The following GYS1 variants were observed in gnomAD, a reference collection of about 807,000 sequenced individuals.
GYS1 encodes the protein glycogen synthase 1, also known as glycogen [starch] synthase, muscle.
In GYS1, 60 loss-of-function variants were observed where a neutral mutation model predicts 89.1. The observed-to-expected ratio is 0.67, with a 90% CI of 0.55 to 0.84. GYS1 has a LOEUF of 0.84. Among genes scored for constraint, GYS1 ranks in the 40% least tolerant of loss-of-function variants. GYS1 has a pLI of 0.00. For missense variants in GYS1, 888 were observed against 1,003.1 expected, an observed-to-expected ratio of 0.89 and a Z score of 1.55; for synonymous variants, 366 against 401.7, an observed-to-expected ratio of 0.91 and a Z score of 1.06.
Position 48,974,774 on chromosome 19 carries a change from C to T in GYS1, c.1309-41G>A, listed in dbSNP as rs1279605985. ...GAAGGGTAAGGGGTCATGGAAGGGA[C>T]AGAGAACTCCCTACTTCCTCATGAG... On this transcript the variant is annotated intron_variant, in intron 10 of 15. Coordinates refer to ENST00000323798, the MANE Select transcript of GYS1 (RefSeq NM_002103.5). 6 of 1,353,030 alleles carry T rather than the reference C, an allele frequency of 4.4e-6. 1 individual carries two copies. The highest frequency in any genetic ancestry group is 1.7e-5 in the Admixed American group (1 of 59,620). 83.8% of individuals were successfully genotyped at this position (1,353,030 alleles called of 1,614,324 possible). A position where few individuals can be genotyped will look rare whatever the true frequency, so the allele number is the denominator to read the frequency against.
chr19:48,977,025 G>C (rs757451663), intron 10 of GYS1, among the ~76,000 whole-genome samples: 2 of 152,066 alleles, frequency 1.3e-5, no homozygotes, highest in African/African-American at 4.8e-5. Flanking sequence ...CTGGGCTCAA[G>C]CGATCCTCCC....
rs769000809 is a variant in GYS1 at position 48,982,333 on chromosome 19, G to A, written c.984C>T (p.Ile328=). Residue 328 remains isoleucine (I), a synonymous_variant, in exon 7 of 16, where the codon ATC becomes ATT. Transcript: ENST00000323798. ...TGTTGGAGAACTCATAGCGGCCGGC[G>A]ATAAAGAAGTATAAGGTCTTGTCCA... The part of the protein sequence containing the change: ...FNLDKTLYFF[I]AGRYEFSNKG... 36 of 1,613,784 alleles carry A rather than the reference G, an allele frequency of 2.2e-5. No individual in the cohort carries two copies. The highest frequency in any genetic ancestry group is 8.9e-5 in the East Asian group (4 of 44,864).
At position 48,970,951 on chromosome 19, in the gene GYS1, T is replaced by G; in HGVS notation, c.1622A>C (p.His541Pro). 1 of 1,613,768 alleles carries G rather than the reference T, an allele frequency of 6.2e-7. No homozygotes were observed. Among genetic ancestry groups the G allele is most frequent in the Non-Finnish European group, 8.5e-7 (1 of 1,179,670 alleles). The change falls in exon 13 of 16, where the codon CAC (histidine) becomes CCC (proline). Residue 541 changes from histidine (H) to proline (P), a missense_variant. His to Pro is a moderately conservative substitution (Grantham distance 77, BLOSUM62 -2). Coordinates refer to ENST00000323798, the MANE Select transcript of GYS1 (RefSeq NM_002103.5). ...LSGFGCFMEE[H>P]IADPSAYGIY... ...ACCGTAAGCTGAGGGGTCTGCGATG[T>G]GTTCCTCCATGAAGCAGCCGAAGCC...
At chr19:48,990,359 C>A (rs2038908017) in intron 2 of GYS1, among the ~76,000 whole-genome samples, 1 of 152,180 alleles carries the variant, frequency 6.6e-6, no homozygotes, top group African/African-American at 2.4e-5. Context: ...TCCTGTGGGT[C>A]TGTCCACTGA....
intron 8 of GYS1, among the ~76,000 whole-genome samples, chr19:48,979,998 G>A (rs139328105): frequency 2.0e-5 from 3 of 152,206 alleles, no homozygotes; most frequent in African/African-American, 4.8e-5. Context: ...AGGCTGGAGT[G>A]CAGTGGCGCA....
intron 5 of GYS1, among the ~76,000 whole-genome samples, chr19:48,983,078 C>T (rs2038791889): frequency 6.6e-6 from 1 of 152,160 alleles, no homozygotes; most frequent in African/African-American, 2.4e-5. Flanking sequence ...CCCTGACCTC[C>T]TGGGCTCAAG....
At chr19:48,969,950 G>A in intron 14 of GYS1, 95 bp from the exon 15 acceptor site, 6 of 789,542 alleles carry the variant, frequency 7.6e-6, no homozygotes, top group Middle Eastern at 4.5e-4. Context: ...TTATGCAGAT[G>A]AGCACACTGC....
Position 48,968,811 on chromosome 19 carries a change from C to T in GYS1, c.*477G>A. 2.2e-6 allele frequency: 1 copy of T among 456,134 alleles called. No homozygotes were observed. The highest frequency in any genetic ancestry group is 1.6e-5 in the South Asian group (1 of 64,498). 28.3% of individuals were successfully genotyped at this position (456,134 alleles called of 1,614,324 possible). The stretch of plus-strand genomic sequence containing the variant: ...AGTTACCTTCAAACTCTGAAAGTGC[C>T]CCGGCTCTGGACTTGATCGCCCCAT... On this transcript the variant is annotated 3_prime_UTR_variant, in exon 16 of 16. Coordinates refer to ENST00000323798, the MANE Select transcript of GYS1 (RefSeq NM_002103.5).
rs2038548912 is a variant in GYS1, at chr19:48,970,636, A to G, written c.1719T>C (p.Ser573=). 2 of 1,613,834 alleles carry G rather than the reference A, an allele frequency of 1.2e-6. No homozygotes were observed. Among genetic ancestry groups the G allele is most frequent in the South Asian group, 1.1e-5 (1 of 91,084 alleles). Residue 573 remains serine (S), a synonymous_variant, in exon 14 of 16, where the codon AGT becomes AGC. Coordinates refer to ENST00000323798, the MANE Select transcript of GYS1 (RefSeq NM_002103.5). Reference sequence around the variant, plus strand: ...GCTGCCGCCGGCTCTGCTGACAGAAACTGTAGAGGAAGGAGGTGAGCTGCG... The same window carrying G: ...GCTGCCGCCGGCTCTGCTGACAGAAGCTGTAGAGGAAGGAGGTGAGCTGCG... ...SCSQLTSFLY[S]FCQQSRRQRI... is the part of the protein sequence containing the mutation.
chr19:48,977,593 AAAAT>A (rs2038676924), intron 10 of GYS1, among the ~76,000 whole-genome samples: 1 of 152,234 alleles, frequency 6.6e-6, no homozygotes, highest in Non-Finnish European at 1.5e-5. Context: ...ACTCCATCTC[AAAAT>A]AAATAAATAA....
intron 1 of GYS1, 118 bp downstream of exon 1, chr19:48,992,877 C>T: frequency 1.4e-6 from 1 of 736,258 alleles, no homozygotes; most frequent in East Asian, 2.5e-5. Flanking sequence ...AGGACACAGC[C>T]TCCTTGCCCA....
chr19:48,989,241 G>C (rs1477407814), intron 2 of GYS1, among the ~76,000 whole-genome samples: 1 of 151,844 alleles, frequency 6.6e-6, no homozygotes, highest in African/African-American at 2.4e-5. Context: ...TAGCTCTTTG[G>C]GGGGCCGAGG....
chr19:48,982,561 C>T (rs545380827), intron 6 of GYS1, among the ~76,000 whole-genome samples, 159 bp downstream of exon 6: 8 of 152,056 alleles, frequency 5.3e-5, no homozygotes, highest in African/African-American at 1.9e-4. Flanking sequence ...AATCCTGAGC[C>T]CATTGTTCCA....
At chr19:48,990,866 C>T (rs1031621685) in intron 2 of GYS1, among the ~76,000 whole-genome samples, 1 of 152,230 alleles carries the variant, frequency 6.6e-6, no homozygotes, top group South Asian at 2.1e-4. Flanking sequence ...CCAATCGCAG[C>T]TCACTGCAAC....
rs200495837 is a variant in GYS1, at chr19:48,987,646, C to CT, written c.301-262dup. On this transcript the variant is annotated intron_variant, in intron 2 of 15. Transcript: ENST00000323798. Reference sequence around the variant, plus strand: ...TGCCCCCTGCTTACTTTCTTTCTTTCTTTTTTTTGAGATGGAGTCTCACTC... The same window carrying CT: ...TGCCCCCTGCTTACTTTCTTTCTTTCTTTTTTTTTGAGATGGAGTCTCACTC... Among the ~76,000 whole-genome samples, 4,811 of 151,948 alleles carry CT rather than the reference C, an allele frequency of 0.032. 267 individuals are homozygous for CT. The highest frequency in any genetic ancestry group is 0.11 in the African/African-American group (4,490 of 41,404).
In GYS1 at chr19:48,985,982, C is replaced by T. The variant is rs1225603414; in HGVS notation, c.546G>A (p.Trp182Ter). 1 of 1,614,238 alleles carries T rather than the reference C, an allele frequency of 6.2e-7. No homozygotes were observed. Among genetic ancestry groups the T allele is most frequent in the South Asian group, 1.1e-5 (1 of 91,082 alleles). Residue 182 changes from tryptophan to a stop codon, truncating the protein, a stop_gained, in exon 4 of 16, where the codon TGG becomes TGA. Coordinates refer to ENST00000323798, the MANE Select transcript of GYS1 (RefSeq NM_002103.5). LOFTEE classifies it high-confidence loss of function. ...KPHVVAHFHEWLAGVGLCLCR... is the reference protein window; with the variant it reads ...KPHVVAHFHE ...ACAGGCAGAGTCCAACGCCTGCCAA[C>T]CACTCATGGAAGTGAGCAACCACAT...
rs553226778 is a variant in GYS1 at position 48,972,272 on chromosome 19, T to C, written c.1550-1249A>G. Among the ~76,000 whole-genome samples the C allele has an allele frequency of 6.6e-5, 10 of 151,524 alleles. No homozygotes were observed. In the East Asian group the frequency reaches 7.8e-4, roughly 12 times the overall value. ...AGAATCACTTGAACCCGGGAGGCGG[T>C]TGCAGTGAGCCAAGACTGTGCCACT... On this transcript the variant is annotated intron_variant, in intron 12 of 15. Transcript: ENST00000323798.
chr19:48,982,737 C>T lies in GYS1; in HGVS notation c.924G>A (p.Val308=), dbSNP rs755220206. The T allele has an allele frequency of 4.3e-6, 7 of 1,611,920 alleles. No homozygotes were observed. The highest frequency in any genetic ancestry group is 5.9e-6 in the Non-Finnish European group (7 of 1,178,128). ...AQSKARIQEF[V]RGHFYGHLDF... The stretch of plus-strand genomic sequence containing the variant: ...CCACGTACCCATAAAAATGGCCCCG[C>T]ACAAACTCCTGGATTCGAGCCTTGC... The change falls in exon 6 of 16, where the codon GTG becomes GTA. Residue 308 remains valine (V), a synonymous_variant. Transcript: ENST00000323798.
Position 48,982,287 on chromosome 19 carries a change from C to A in GYS1, c.1030G>T (p.Glu344Ter). 1 of 1,613,890 alleles carries A rather than the reference C, an allele frequency of 6.2e-7. No homozygotes were observed. The change falls in exon 7 of 16, where the codon GAG becomes TAG. Residue 344 changes from glutamate to a stop codon, truncating the protein, a stop_gained. Transcript: ENST00000323798. LOFTEE classifies it high-confidence loss of function. ...FSNKGADVFL[E>*]ALARLNYLLR... ...AGATAGTTGAGCCGAGCCAATGCCTCCAGGAAGACGTCAGCACCCTTGTTG... is the reference window on the plus strand; with the variant it reads ...AGATAGTTGAGCCGAGCCAATGCCTACAGGAAGACGTCAGCACCCTTGTTG...
Sources: allele counts gnomAD v4.1 joint callset (sites outside exome capture counted in the v4.1 genomes callset), GRCh38; gene constraint gnomAD v4.1.1; transcripts MANE v1.5; gene names NCBI Gene and HGNC (gene_info 2026-07-23, HGNC 2026-07-21).